The following MRPS18B variants were observed in gnomAD, a reference collection of about 807,000 sequenced individuals.
The protein encoded by MRPS18B is mitochondrial ribosomal protein S18B, also known as small ribosomal subunit protein mS40.
Under a neutral mutation model 28.4 loss-of-function variants are expected in MRPS18B, and 27 were observed. That is an observed-to-expected ratio of 0.95 (90% CI 0.70 to 1.31). MRPS18B has a LOEUF of 1.31. Among genes scored for constraint, MRPS18B ranks in the 40% most tolerant of loss-of-function variants. The pLI is 0.00. For synonymous variants in MRPS18B, 118 were observed against 123.7 expected, an observed-to-expected ratio of 0.95 and a Z score of 0.30; for missense variants, 343 against 335.9, an observed-to-expected ratio of 1.02 and a Z score of -0.17.
chr6:30,624,096 T>G (rs1582712525), intron 5 of MRPS18B, among the ~76,000 whole-genome samples: 6 of 110,096 alleles, frequency 5.4e-5, no homozygotes, highest in African/African-American at 1.4e-4. Context: ...TTTGGGGGGG[T>G]GTGGGTGGGG....
Position 30,626,074 on chromosome 6 carries a change from G to T in MRPS18B, c.*277G>T. On this transcript the variant is annotated 3_prime_UTR_variant, in exon 7 of 7. Transcript: ENST00000259873. ...CAGTCACACCCCTGCACTCCAGCCTGGGTGACAGCTAGACCCTGTCTCAAA... is the reference window on the plus strand; with the variant it reads ...CAGTCACACCCCTGCACTCCAGCCTTGGTGACAGCTAGACCCTGTCTCAAA... 1 of 416,832 alleles carries T rather than the reference G, an allele frequency of 2.4e-6. No individual in the cohort carries two copies. The highest frequency in any genetic ancestry group is 4.3e-6 in the Non-Finnish European group (1 of 234,630). 25.8% of individuals were successfully genotyped at this position (416,832 alleles called of 1,614,324 possible).
chr6:30,620,500 C>T (rs1761088216), intron 4 of MRPS18B, among the ~76,000 whole-genome samples: 1 of 152,000 alleles, frequency 6.6e-6, no homozygotes, highest in African/African-American at 2.4e-5. Context: ...TTACCTTCTA[C>T]TATGGATTGT....
At position 30,619,973 on chromosome 6, in the gene MRPS18B, T is replaced by C. The variant is rs770484147; in HGVS notation, c.338T>C (p.Leu113Ser). The C allele has an allele frequency of 1.9e-6, 3 of 1,614,128 alleles. No individual in the cohort carries two copies. The highest frequency in any genetic ancestry group is 2.5e-6 in the Non-Finnish European group (3 of 1,179,976). Residue 113 changes from leucine (L) to serine (S), a missense_variant, in exon 4 of 7, where the codon TTG becomes TCG. Coordinates refer to ENST00000259873, the MANE Select transcript of MRPS18B (RefSeq NM_014046.4). ...TGCCCCATCTGTCGAGATCACAAGT[T>C]GCATGTTGACTTTAGGGTAAGGAGA... is the stretch of plus-strand genomic sequence containing the variant. Reference protein sequence around the residue: ...NPCPICRDHKLHVDFRNVKLL... With the variant: ...NPCPICRDHKSHVDFRNVKLL...
At chr6:30,620,448 T>C (rs1372938684) in intron 4 of MRPS18B, among the ~76,000 whole-genome samples, 1 of 152,204 alleles carries the variant, frequency 6.6e-6, no homozygotes, top group East Asian at 1.9e-4. Context: ...GTCCGTTTTA[T>C]AGTAACTGTT....
At chr6:30,618,908 A>C (rs558024271) in intron 1 of MRPS18B, among the ~76,000 whole-genome samples, 21 of 151,840 alleles carry the variant, frequency 1.4e-4, no homozygotes, top group Admixed American at 5.2e-4. Flanking sequence ...AATACCTTTT[A>C]TGTACTAGAT....
chr6:30,621,861 C>T (rs1582706838), intron 4 of MRPS18B, among the ~76,000 whole-genome samples: 1 of 152,030 alleles, frequency 6.6e-6, no homozygotes, highest in South Asian at 2.1e-4. Flanking sequence ...GCAGGAGAAT[C>T]ACTGGAACCT....
intron 1 of MRPS18B, 32 bp downstream of exon 1, chr6:30,617,975 C>T (rs1323768828): frequency 6.8e-6 from 11 of 1,611,742 alleles, no homozygotes; most frequent in African/African-American, 1.3e-5. Context: ...TGCACAACCT[C>T]AAGTTGGTTA....
chr6:30,624,229 A>G (rs1170862476), intron 5 of MRPS18B, among the ~76,000 whole-genome samples: 1 of 152,048 alleles, frequency 6.6e-6, no homozygotes, highest in African/African-American at 2.4e-5. Context: ...AGTAGCTGGG[A>G]TTACAGGCAC....
Position 30,625,499 on chromosome 6 carries a change from T to C in MRPS18B, c.482-3T>C, listed in dbSNP as rs369553537. Reference sequence around the variant, plus strand: ...AAATTTCTTTTCTTTTTTAATCCCTTAGGTCTCCTCATTTACCACATCCCC... The same window carrying C: ...AAATTTCTTTTCTTTTTTAATCCCTCAGGTCTCCTCATTTACCACATCCCC... On this transcript the variant is annotated splice_polypyrimidine_tract_variant and splice_region_variant and intron_variant, in intron 6 of 6. Transcript: ENST00000259873. The C allele has an allele frequency of 3.2e-6, 5 of 1,547,316 alleles. No homozygotes were observed. In the African/African-American group the frequency reaches 4.1e-5, roughly 13 times the overall value.
intron 4 of MRPS18B, among the ~76,000 whole-genome samples, chr6:30,622,050 T>C (rs1483199163): frequency 1.3e-5 from 2 of 152,198 alleles, no homozygotes; most frequent in Admixed American, 6.5e-5. Context: ...TACTCTACAA[T>C]GTACCTGCTT....
chr6:30,624,860 A>T (rs1761386769), intron 5 of MRPS18B, 23 bp from the exon 6 acceptor site: 1 of 1,611,946 alleles, frequency 6.2e-7, no homozygotes, highest in Non-Finnish European at 8.5e-7. Context: ...GCCTTAAAGA[A>T]CAAGATATTT....
At chr6:30,624,242 G>A (rs1480120662) in intron 5 of MRPS18B, among the ~76,000 whole-genome samples, 1 of 152,072 alleles carries the variant, frequency 6.6e-6, no homozygotes, top group Non-Finnish European at 1.5e-5. Flanking sequence ...ACAGGCACGT[G>A]CCACTGTGCC....
chr6:30,621,341 G>A lies in MRPS18B; in HGVS notation c.354+1352G>A, dbSNP rs1761146250. The stretch of plus-strand genomic sequence containing the variant: ...TGCTTGAACCCGGGAGGCGGAGGTT[G>A]CAGTGAGCTGAGATTGCACCACTGC... On this transcript the variant is annotated intron_variant, in intron 4 of 6. Transcript: ENST00000259873. Among the ~76,000 whole-genome samples the A allele has an allele frequency of 2.0e-5, 3 of 152,178 alleles. No homozygotes were observed. The South Asian group carries it at 6.2e-4, about 31-fold the overall frequency.
intron 6 of MRPS18B, among the ~76,000 whole-genome samples, chr6:30,625,298 A>G (rs6917935): frequency 0.044 from 6,753 of 152,246 alleles, 276 homozygotes; most frequent in African/African-American, 0.11. Context: ...CTTGTTCAGC[A>G]CTGCACAGCT....
chr6:30,617,840 A>T lies in MRPS18B; in HGVS notation c.-26A>T. The T allele has an allele frequency of 6.2e-7, 1 of 1,614,010 alleles. No homozygotes were observed. Among genetic ancestry groups the T allele is most frequent in the Non-Finnish European group, 8.5e-7 (1 of 1,180,030 alleles). On this transcript the variant is annotated 5_prime_UTR_variant, in exon 1 of 7. Transcript: ENST00000259873. ...AAGCATGCGCAGTTGCCTTTCCGTC[A>T]ATTCCTGTCCTGGGCGTACGTCAAG...
intron 4 of MRPS18B, among the ~76,000 whole-genome samples, chr6:30,620,595 A>C (rs1406383942): frequency 6.7e-6 from 1 of 149,968 alleles, no homozygotes; most frequent in South Asian, 2.1e-4. Flanking sequence ...TTTGAGACGG[A>C]GTCTTACTCT....
rs1179733810 is a variant in MRPS18B, at chr6:30,624,885, G to C, written c.424G>C (p.Val142Leu). The C allele has an allele frequency of 1.2e-6, 2 of 1,612,944 alleles. No individual in the cohort carries two copies. The highest frequency in any genetic ancestry group is 1.7e-5 in the Admixed American group (1 of 60,014). Residue 142 changes from valine to leucine, a missense_variant and splice_region_variant, in exon 6 of 7, where the codon GTC becomes CTC. Val to Leu is a conservative substitution (Grantham distance 32). Transcript: ENST00000259873. ...ACAAGATATTTTTCTCCCCACAGGA[G>C]TCTGTGTGAAGCAGCACAAGCGGTT... The part of the protein sequence containing the change: ...GIIFYAPYTG[V>L]CVKQHKRLTQ...
chr6:30,624,884 A>G lies in MRPS18B; in HGVS notation c.423A>G (p.Gly141=). 1 of 1,612,976 alleles carries G rather than the reference A, an allele frequency of 6.2e-7. No individual in the cohort carries two copies. ...AACAAGATATTTTTCTCCCCACAGG[A>G]GTCTGTGTGAAGCAGCACAAGCGGT... The part of the protein sequence containing the change: ...TGIIFYAPYT[G]VCVKQHKRLT... The change falls in exon 6 of 7, where the codon GGA becomes GGG. Residue 141 remains glycine, a splice_region_variant and synonymous_variant. Coordinates refer to ENST00000259873, the MANE Select transcript of MRPS18B (RefSeq NM_014046.4).
rs1761056858 is a variant in MRPS18B, at chr6:30,620,108, G to A, written c.354+119G>A. On this transcript the variant is annotated intron_variant, in intron 4 of 6. Transcript: ENST00000259873. ...CAAGGCAGGTGGATCATGAGGTCAG[G>A]AGATCAAGACCATCCTGGCTAACAC... 4.4e-6 allele frequency: 4 copies of A among 911,382 alleles called. No individual in the cohort carries two copies. The East Asian group carries it at 9.7e-5, about 22-fold the overall frequency. 56.5% of individuals were successfully genotyped at this position (911,382 alleles called of 1,614,324 possible).
Sources: allele counts gnomAD v4.1 joint callset (sites outside exome capture counted in the v4.1 genomes callset), GRCh38; gene constraint gnomAD v4.1.1; transcripts MANE v1.5; gene names NCBI Gene and HGNC (gene_info 2026-07-23, HGNC 2026-07-21).